The following SASH1 variants were observed in gnomAD, a reference collection of about 807,000 sequenced individuals.
SASH1 encodes SAM and SH3 domain containing 1.
SASH1 carries 44 observed loss-of-function variants against 125.2 expected under a neutral mutation model. That is an observed-to-expected ratio of 0.35 (90% CI 0.28 to 0.45). SASH1 has a LOEUF of 0.45. Ranked by LOEUF, SASH1 falls within the 20% of genes least tolerant of loss-of-function variation. The probability of loss-of-function intolerance (pLI) is 1.00; values close to 1 mark genes in which losing one functional copy is unlikely to be tolerated. For synonymous variants in SASH1, 639 were observed against 649.1 expected (o/e 0.98, Z 0.24); for missense variants, 1,426 against 1,614.5 (o/e 0.88, Z 2.00).
rs1224803183 is a variant in SASH1 at position 148,532,311 on chromosome 6, G to A, written c.1565-486G>A. ...TGGAACTCCTGGACTCAAGCGATCT[G>A]CCCACCTCGGCCTCCTAAAGTGCTG... On this transcript the variant is annotated intron_variant, in intron 13 of 19. Transcript: ENST00000367467. This position sits in a 1 kb window ranked among gnomAD's most constrained non-coding sequence, Gnocchi z 4.7. Among the ~76,000 whole-genome samples, 1 of 152,138 alleles carries A rather than the reference G, an allele frequency of 6.6e-6. No individual in the cohort carries two copies.
intron 2 of SASH1, among the ~76,000 whole-genome samples, chr6:148,435,923 G>T (rs1562407714): frequency 6.6e-6 from 1 of 152,062 alleles, no homozygotes; most frequent in Non-Finnish European, 1.5e-5. Flanking sequence ...GATAATTCAG[G>T]CTGACTATTG....
chr6:148,546,380 C>T (rs895680987), intron 19 of SASH1, among the ~76,000 whole-genome samples: 26 of 152,104 alleles, frequency 1.7e-4, no homozygotes, highest in Non-Finnish European at 3.1e-4. Flanking sequence ...TTTAAAGATC[C>T]GTCTAGTGCT....
chr6:148,477,888 T>C (rs1176761473), intron 7 of SASH1, among the ~76,000 whole-genome samples: 2 of 151,552 alleles, frequency 1.3e-5, no homozygotes, highest in Admixed American at 1.3e-4. Context: ...GTAGAGACAG[T>C]GTTTCACCAT....
chr6:148,547,669 T>A (rs1483035829), intron 19 of SASH1, among the ~76,000 whole-genome samples: 3 of 152,204 alleles, frequency 2.0e-5, no homozygotes, highest in African/African-American at 7.2e-5. Context: ...GGAAGATGGT[T>A]TGCTTCATCA....
At chr6:148,285,303 G>T (rs1020606230) in intron 1 of SASH1, among the ~76,000 whole-genome samples, 5 of 152,200 alleles carry the variant, frequency 3.3e-5, no homozygotes, top group Non-Finnish European at 7.3e-5. Context: ...CCTTAGAAAA[G>T]TTGCCTTGCC....
chr6:148,434,850 A>C (rs1207914183), intron 2 of SASH1, among the ~76,000 whole-genome samples: 2 of 152,204 alleles, frequency 1.3e-5, no homozygotes, highest in African/African-American at 4.8e-5. Flanking sequence ...ATTTCTCATT[A>C]AATTCTGCGT....
Position 148,519,898 on chromosome 6 carries a change from G to A in SASH1, c.1209+5G>A. ...CTCGGGTCCCTAAGCCACGGGGTAA[G>A]TACGGATGGTGTTTGCTTCTATGAC... On this transcript the variant is annotated splice_donor_5th_base_variant and intron_variant, in intron 10 of 19. Transcript: ENST00000367467. The surrounding 1 kb of genome is among the most constrained non-coding windows in gnomAD (Gnocchi z 4.8). The A allele has an allele frequency of 6.5e-7, 1 of 1,542,482 alleles. No homozygotes were observed. Among genetic ancestry groups the A allele is most frequent in the African/African-American group, 1.4e-5 (1 of 72,868 alleles).
the SASH1 span, among the ~76,000 whole-genome samples, chr6:148,260,770 A>G: frequency 4.0e-5 from 6 of 148,472 alleles, no homozygotes; most frequent in Admixed American, 1.3e-4. Context: ...GAATCTGCAT[A>G]ATGTTTGGTA....
intron 1 of SASH1, among the ~76,000 whole-genome samples, chr6:148,374,344 T>A (rs1181867796): frequency 6.6e-6 from 1 of 152,208 alleles, no homozygotes; most frequent in Non-Finnish European, 1.5e-5. Flanking sequence ...AGTAAAACTG[T>A]TAGCCAAGAT....
intron 8 of SASH1, chr6:148,508,957 CTA>C: frequency 1.5e-6 from 1 of 670,994 alleles, no homozygotes; most frequent in Non-Finnish European, 2.4e-6. Flanking sequence ...CTGCTCCTGC[CTA>C]TGATGTTTCT....
chr6:148,228,382 T>C, the SASH1 span, among the ~76,000 whole-genome samples: 1 of 152,326 alleles, frequency 6.6e-6, no homozygotes, highest in Admixed American at 6.5e-5. Context: ...AAATCACAAT[T>C]CCTCCTTTTA....
chr6:148,400,866 G>A (rs971136398), intron 2 of SASH1, among the ~76,000 whole-genome samples: 1 of 152,220 alleles, frequency 6.6e-6, no homozygotes, highest in Non-Finnish European at 1.5e-5. Context: ...CAGTATGTTT[G>A]CATTTGGGAT....
chr6:148,523,207 C>T (rs1000166630), intron 10 of SASH1, among the ~76,000 whole-genome samples: 7 of 152,162 alleles, frequency 4.6e-5, no homozygotes, highest in East Asian at 1.9e-4. Flanking sequence ...AAAGCAGGGA[C>T]GTGCAAAAGC....
intron 17 of SASH1, among the ~76,000 whole-genome samples, chr6:148,542,851 A>T (rs1008854709): frequency 3.3e-5 from 5 of 149,276 alleles, no homozygotes; most frequent in Admixed American, 2.0e-4. Flanking sequence ...AACAAGGGAC[A>T]GTGTGTGTGT....
At chr6:148,474,085 G>A (rs1282845711) in intron 6 of SASH1, 25 bp from the exon 7 acceptor site, 14 of 1,485,164 alleles carry the variant, frequency 9.4e-6, no homozygotes, top group Non-Finnish European at 1.2e-5. Context: ...TTTCACTCCT[G>A]TTGTTCTTTG....
the SASH1 span, among the ~76,000 whole-genome samples, chr6:148,262,743 C>A: frequency 6.6e-6 from 1 of 152,152 alleles, no homozygotes; most frequent in Non-Finnish European, 1.5e-5. Context: ...ATCAGCCAGG[C>A]ATGGTGGCAG....
chr6:148,195,981 A>G, the SASH1 span, among the ~76,000 whole-genome samples: 3 of 152,216 alleles, frequency 2.0e-5, no homozygotes, highest in African/African-American at 7.2e-5. Flanking sequence ...ATAGAGATTT[A>G]ATAACAGGCT....
At chr6:148,499,089 ACT>A (rs1779453294) in intron 8 of SASH1, among the ~76,000 whole-genome samples, 1 of 137,248 alleles carries the variant, frequency 7.3e-6, no homozygotes, top group South Asian at 2.2e-4. Flanking sequence ...ATGGAGTCTC[ACT>A]CTGTCGCCCA....
At chr6:148,215,564 T>A in the SASH1 span, among the ~76,000 whole-genome samples, 6 of 152,278 alleles carry the variant, frequency 3.9e-5, no homozygotes, top group Non-Finnish European at 5.9e-5. Flanking sequence ...GATGCAGACA[T>A]TTTGCCAGAC....
Sources: gnomAD v4.1 joint callset for allele counts (sites outside exome capture counted in the v4.1 genomes callset) on GRCh38, gnomAD v4.1.1 for gene constraint, Gnocchi (gnomAD v3.1) non-coding constraint, MANE v1.5 for transcripts, NCBI Gene and HGNC (gene_info 2026-07-23, HGNC 2026-07-21) for gene names.